Variants in PDE12 observed in about 807,000 individuals in gnomAD.
PDE12 encodes the protein 2',5'-phosphodiesterase 12.
In PDE12, 26 loss-of-function variants were observed where a neutral mutation model predicts 45.4. The observed-to-expected ratio is 0.57, with a 90% CI of 0.42 to 0.79. PDE12 has a LOEUF of 0.79. PDE12 is among the 30% of genes least tolerant of loss of function. The pLI is 0.00. For missense variants in PDE12, 668 were observed against 790.0 expected, an observed-to-expected ratio of 0.85 and a Z score of 1.85; for synonymous variants, 283 against 323.9, an observed-to-expected ratio of 0.87 and a Z score of 1.36.
the PDE12 span, chr3:57,597,291 T>G: frequency 9.6e-4 from 668 of 695,972 alleles, 3 homozygotes; most frequent in Middle Eastern, 6.7e-3. Context: ...GTGGCCCCTG[T>G]GCCGATGAAG....
the PDE12 span, chr3:57,646,216 GA>G: frequency 3.4e-6 from 5 of 1,477,210 alleles, no homozygotes; most frequent in South Asian, 1.4e-5. Flanking sequence ...AATGGGTGGG[GA>G]AAAATACGAC....
the PDE12 span, chr3:57,597,354 G>C: frequency 2.0e-6 from 1 of 488,086 alleles, no homozygotes. Context: ...TGGCGCGGCA[G>C]CTCCGGCTCT....
the PDE12 span, among the ~76,000 whole-genome samples, chr3:57,574,604 A>C: frequency 6.6e-6 from 1 of 151,988 alleles, no homozygotes; most frequent in Non-Finnish European, 1.5e-5. Context: ...ATAGGGTTTC[A>C]CTTTGTTGCC....
At chr3:57,614,083 G>A in the PDE12 span, among the ~76,000 whole-genome samples, 2 of 151,982 alleles carry the variant, frequency 1.3e-5, no homozygotes, top group African/African-American at 4.8e-5. Context: ...ATAGTCAAGA[G>A]ATTTCAATAG....
At chr3:57,655,550 T>G in the PDE12 span, among the ~76,000 whole-genome samples, 1 of 152,194 alleles carries the variant, frequency 6.6e-6, no homozygotes, top group Non-Finnish European at 1.5e-5. Flanking sequence ...AGTGGAAAAT[T>G]CTACTTATGA....
chr3:57,627,723 CT>C, the PDE12 span: 1 of 153,004 alleles, frequency 6.5e-6, no homozygotes, highest in Admixed American at 6.5e-5. Context: ...AGCAGCTGAA[CT>C]GTGAAACATG....
At chr3:57,607,691 T>C in the PDE12 span, among the ~76,000 whole-genome samples, 3 of 151,326 alleles carry the variant, frequency 2.0e-5, no homozygotes, top group Non-Finnish European at 2.9e-5. Context: ...GAGAAAAGAG[T>C]AAAAATAAAT....
the PDE12 span, among the ~76,000 whole-genome samples, chr3:57,609,653 G>C: frequency 4.6e-5 from 7 of 152,108 alleles, no homozygotes; most frequent in East Asian, 1.9e-4. Flanking sequence ...ATACATTCCT[G>C]GACACATACA....
At chr3:57,634,743 T>C in the PDE12 span, 17 of 1,573,282 alleles carry the variant, frequency 1.1e-5, no homozygotes, top group Middle Eastern at 1.8e-4. Context: ...TTCAGTTTTT[T>C]CACTTTAACC....
the PDE12 span, among the ~76,000 whole-genome samples, chr3:57,615,676 C>T: frequency 6.6e-6 from 1 of 151,990 alleles, no homozygotes; most frequent in Admixed American, 6.6e-5. Flanking sequence ...TGGTGGTGTG[C>T]TCCTGTAATC....
At chr3:57,586,792 A>AG in the PDE12 span, among the ~76,000 whole-genome samples, 68 of 152,326 alleles carry the variant, frequency 4.5e-4, no homozygotes, top group Non-Finnish European at 7.6e-4. Flanking sequence ...TATAAAACAA[A>AG]GGGGGGTGGC....
chr3:57,578,390 T>TA, the PDE12 span, among the ~76,000 whole-genome samples: 3,791 of 142,372 alleles, frequency 0.027, 69 homozygotes, highest in Middle Eastern at 0.043. Context: ...CCCTATCTCT[T>TA]AAAAAAAAAA....
At chr3:57,640,365 G>A in the PDE12 span, among the ~76,000 whole-genome samples, 1 of 151,952 alleles carries the variant, frequency 6.6e-6, no homozygotes, top group Non-Finnish European at 1.5e-5. Flanking sequence ...GGCCAAGGTG[G>A]GCAGATCACC....
Position 57,559,852 on chromosome 3 carries a change from C to A in PDE12, c.1678C>A (p.Leu560Ile). 1 of 1,614,124 alleles carries A rather than the reference C, an allele frequency of 6.2e-7. No homozygotes were observed. Among genetic ancestry groups the A allele is most frequent in the Non-Finnish European group, 8.5e-7 (1 of 1,180,024 alleles). ...TNYVGGFHGC[L>I]DYIFIDLNAL... Reference sequence around the variant, plus strand: ...TTATGTTGGTGGCTTTCATGGATGTCTAGATTACATTTTCATTGACTTAAA... The same window carrying A: ...TTATGTTGGTGGCTTTCATGGATGTATAGATTACATTTTCATTGACTTAAA... Residue 560 changes from leucine (L) to isoleucine (I), a missense_variant, in exon 3 of 3, where the codon CTA becomes ATA. Transcript: ENST00000311180.
chr3:57,648,493 C>A, the PDE12 span, among the ~76,000 whole-genome samples: 1 of 152,074 alleles, frequency 6.6e-6, no homozygotes, highest in Admixed American at 6.6e-5. Flanking sequence ...TCCCATCATT[C>A]GTCACAGAAC....
In PDE12 at chr3:57,560,279, G is replaced by A. The variant is rs1253840657; in HGVS notation, c.*275G>A. On this transcript the variant is annotated 3_prime_UTR_variant, in exon 3 of 3. Transcript: ENST00000311180. ...ATTTTTCTCCAAATTGAGACTCTCA[G>A]AAAAGGAAGATTGAATTAGCGTGTT... The A allele has an allele frequency of 1.7e-6, 2 of 1,189,468 alleles. No individual in the cohort carries two copies. Among genetic ancestry groups the A allele is most frequent in the East Asian group, 4.1e-5 (1 of 24,398 alleles). The allele number at this position is 1,189,468 out of a possible 1,614,324, so 73.7% of individuals were successfully genotyped here.
At chr3:57,647,580 A>G in the PDE12 span, among the ~76,000 whole-genome samples, 2 of 152,200 alleles carry the variant, frequency 1.3e-5, no homozygotes, top group Non-Finnish European at 2.9e-5. Flanking sequence ...ACAGACAGGT[A>G]GCCTGATGAG....
downstream of PDE12, among the ~76,000 whole-genome samples, chr3:57,567,018 T>C (rs537233609): frequency 1.3e-5 from 2 of 152,050 alleles, no homozygotes; most frequent in South Asian, 2.1e-4. Flanking sequence ...CCCAATAAAA[T>C]TGACAATGTG....
At chr3:57,574,408 A>AAT in the PDE12 span, among the ~76,000 whole-genome samples, 1 of 145,332 alleles carries the variant, frequency 6.9e-6, no homozygotes, top group South Asian at 2.2e-4. Context: ...AGAAGTACAA[A>AAT]TTTTTTTTTT....
Sources: allele counts gnomAD v4.1 joint callset (sites outside exome capture counted in the v4.1 genomes callset), GRCh38; gene constraint gnomAD v4.1.1; transcripts MANE v1.5; gene names NCBI Gene and HGNC (gene_info 2026-07-23, HGNC 2026-07-21).